AKT3: variants seen among roughly 807,000 people sequenced by gnomAD.
The protein encoded by AKT3 is RAC-gamma serine/threonine-protein kinase.
Under a neutral mutation model 65.3 loss-of-function variants are expected in AKT3, and 15 were observed. That is an observed-to-expected ratio of 0.23 (90% confidence interval 0.15 to 0.35). The LOEUF (loss-of-function observed/expected upper bound fraction) is 0.35. AKT3 is among the 10% of genes least tolerant of loss of function. The pLI, the probability that AKT3 is intolerant of heterozygous loss-of-function variation, is 1.00. For missense variants in AKT3, 243 were observed against 576.5 expected (o/e 0.42, Z 5.92); for synonymous variants, 206 against 183.8 (o/e 1.12, Z -0.98).
chr1:243,611,009 G>A (rs1677831300), intron 8 of AKT3, among the ~76,000 whole-genome samples: 1 of 152,138 alleles, frequency 6.6e-6, no homozygotes, highest in Admixed American at 6.5e-5. Flanking sequence ...TCATTCTGTG[G>A]TGCATCTGTA....
At chr1:243,664,185 CTTTTTTTTTTT>C (rs34578718) in intron 4 of AKT3, among the ~76,000 whole-genome samples, 878 of 60,038 alleles carry the variant, frequency 0.015, 13 homozygotes, top group Middle Eastern at 0.058. Flanking sequence ...ATAAAAATGT[CTTTTTTTTTTT>C]TTTTTTTTTT....
chr1:243,699,465 C>CTATATA lies in AKT3; in HGVS notation c.47-3755_47-3750dup, dbSNP rs58911364. On this transcript the variant is annotated intron_variant, in intron 2 of 13. Transcript: ENST00000673466. ...AAGACTTCCAACCCAACCTCTTCCA[C>CTATATA]TATATATATATATATATATATATAT... is the stretch of plus-strand genomic sequence containing the variant. Among the ~76,000 whole-genome samples the CTATATA allele has an allele frequency of 2.6e-3, 266 of 103,498 alleles. 4 individuals carry two copies. Among genetic ancestry groups the CTATATA allele is most frequent in the African/African-American group, 4.8e-3 (97 of 20,408 alleles). 67.9% of individuals were successfully genotyped at this position (103,498 alleles called of 152,430 possible).
At chr1:243,641,973 C>T (rs1680426354) in intron 5 of AKT3, among the ~76,000 whole-genome samples, 1 of 151,764 alleles carries the variant, frequency 6.6e-6, no homozygotes, top group South Asian at 2.1e-4. Flanking sequence ...AGTAAAATTG[C>T]AATTCTTAGG....
intron 10 of AKT3, among the ~76,000 whole-genome samples, chr1:243,559,033 T>C (rs571275558): frequency 2.0e-5 from 3 of 152,208 alleles, no homozygotes; most frequent in African/African-American, 4.8e-5. Context: ...TTGGATTCAA[T>C]AGGAGCCAAA....
At chr1:243,848,425 C>T (rs558397816) in intron 1 of AKT3, among the ~76,000 whole-genome samples, 2 of 151,944 alleles carry the variant, frequency 1.3e-5, no homozygotes, top group Non-Finnish European at 2.9e-5. Context: ...AGACAACCAC[C>T]CCCGGAATGT....
chr1:243,490,913 C>T (rs1313807636), intron 13 of AKT3, among the ~76,000 whole-genome samples: 2 of 152,240 alleles, frequency 1.3e-5, no homozygotes, highest in African/African-American at 4.8e-5. Context: ...TAGGCCTGGC[C>T]AGCCAAAGAT....
chr1:243,717,835 G>C (rs1686605029), intron 2 of AKT3, among the ~76,000 whole-genome samples: 1 of 152,174 alleles, frequency 6.6e-6, no homozygotes, highest in South Asian at 2.1e-4. Context: ...TATTGAACTA[G>C]TTCTTTTGAC....
intron 2 of AKT3, among the ~76,000 whole-genome samples, chr1:243,700,683 T>C (rs1156245452): frequency 6.6e-6 from 1 of 152,084 alleles, no homozygotes; most frequent in Non-Finnish European, 1.5e-5. Context: ...TTTGTATTTT[T>C]AGTAGAGACA....
intron 13 of AKT3, among the ~76,000 whole-genome samples, chr1:243,491,327 CT>C (rs1240707197): frequency 1.3e-5 from 2 of 152,218 alleles, no homozygotes; most frequent in African/African-American, 4.8e-5. Flanking sequence ...TTTCTTTCTT[CT>C]TTTGCCTGAA....
At chr1:243,799,046 G>A (rs1332110624) in intron 2 of AKT3, among the ~76,000 whole-genome samples, 1 of 152,190 alleles carries the variant, frequency 6.6e-6, no homozygotes, top group African/African-American at 2.4e-5. Context: ...ACTGACATAG[G>A]ACTGGTCTGT....
chr1:243,735,622 A>G (rs1321828871), intron 2 of AKT3: 1 of 152,234 alleles, frequency 6.6e-6, no homozygotes, highest in Non-Finnish European at 1.5e-5. Context: ...AACAAACGTT[A>G]GCATGAGTAG....
chr1:243,540,962 G>A (rs1421192247), intron 12 of AKT3, among the ~76,000 whole-genome samples: 1 of 152,156 alleles, frequency 6.6e-6, no homozygotes, highest in Non-Finnish European at 1.5e-5. Flanking sequence ...GTTCCATGAA[G>A]TCAACATCTT....
intron 4 of AKT3, among the ~76,000 whole-genome samples, chr1:243,657,009 C>G (rs1681852950): frequency 6.6e-6 from 1 of 152,046 alleles, no homozygotes; most frequent in Non-Finnish European, 1.5e-5. Flanking sequence ...ATAAAACTAT[C>G]AGAAATGAAG....
At position 243,504,575 on chromosome 1, in the gene AKT3, G is replaced by A. The variant is rs1382154107; in HGVS notation, c.*674C>T. On this transcript the variant is annotated 3_prime_UTR_variant, in exon 14 of 14. Coordinates refer to ENST00000673466, the MANE Select transcript of AKT3 (RefSeq NM_005465.7). The stretch of plus-strand genomic sequence containing the variant: ...TGCTCATGATTGCCCGTGAAGTCTC[G>A]ACATCCACATGTGATATGGGCTTCT... 1 of 183,984 alleles carries A rather than the reference G, an allele frequency of 5.4e-6. No homozygotes were observed. The highest frequency in any genetic ancestry group is 1.2e-5 in the Non-Finnish European group (1 of 86,932). 11.4% of individuals were successfully genotyped at this position (183,984 alleles called of 1,614,324 possible).
chr1:243,573,295 T>C (rs970594284), intron 8 of AKT3, among the ~76,000 whole-genome samples: 3 of 152,150 alleles, frequency 2.0e-5, no homozygotes, highest in African/African-American at 7.2e-5. Context: ...TTGCTACCCA[T>C]TTAACCTTCA....
intron 1 of AKT3, among the ~76,000 whole-genome samples, chr1:243,847,556 T>C (rs1393899033): frequency 1.3e-5 from 2 of 152,184 alleles, no homozygotes; most frequent in Non-Finnish European, 2.9e-5. Flanking sequence ...TCCACTGAAT[T>C]TTTATGAGAA....
intron 2 of AKT3, among the ~76,000 whole-genome samples, chr1:243,836,342 TAAC>T (rs377605208): frequency 5.3e-4 from 80 of 150,596 alleles, no homozygotes; most frequent in African/African-American, 1.8e-3. Context: ...CAAGAAGATA[TAAC>T]AACAAAAAAG....
At chr1:243,770,034 G>A (rs552459763) in intron 2 of AKT3, among the ~76,000 whole-genome samples, 22 of 152,204 alleles carry the variant, frequency 1.4e-4, no homozygotes, top group Admixed American at 9.8e-4. Context: ...TGTGGAAATC[G>A]GGTTGTCCCA....
chr1:243,539,001 A>G (rs1326995674), intron 12 of AKT3, among the ~76,000 whole-genome samples: 3 of 152,142 alleles, frequency 2.0e-5, no homozygotes, highest in Non-Finnish European at 2.9e-5. Context: ...TCAGAAACCA[A>G]TAGAACAAGT....
Sources: allele counts gnomAD v4.1 joint callset (sites outside exome capture counted in the v4.1 genomes callset), GRCh38; gene constraint gnomAD v4.1.1; transcripts MANE v1.5; gene names NCBI Gene and HGNC (gene_info 2026-07-23, HGNC 2026-07-21).